The following NRXN1 variants were observed in gnomAD, a reference collection of about 807,000 sequenced individuals.
NRXN1 encodes the protein neurexin-1.
A neutral mutation model predicts 150.9 loss-of-function variants in NRXN1; 39 were observed. The observed-to-expected ratio is 0.26, with a 90% CI of 0.20 to 0.34. The LOEUF is 0.34. NRXN1 is among the 10% of genes least tolerant of loss of function. NRXN1 has a pLI of 1.00. For missense variants in NRXN1, 1,815 were observed against 1,949.9 expected, an observed-to-expected ratio of 0.93 and a Z score of 1.30; for synonymous variants, 924 against 757.0, an observed-to-expected ratio of 1.22 and a Z score of -3.62.
At chr2:50,920,977 G>A (rs559614130) in intron 5 of NRXN1, among the ~76,000 whole-genome samples, 169 of 151,714 alleles carry the variant, frequency 1.1e-3, no homozygotes, top group African/African-American at 4.0e-3. Flanking sequence ...GCAGAACTGT[G>A]AACTGTGGTC....
intron 5 of NRXN1, among the ~76,000 whole-genome samples, chr2:50,844,210 T>TCC (rs973230668): frequency 6.6e-6 from 1 of 152,082 alleles, no homozygotes; most frequent in Non-Finnish European, 1.5e-5. Flanking sequence ...CATAAGTCCT[T>TCC]CCCCCAGTTC....
chr2:50,678,710 T>C (rs1689906175), intron 5 of NRXN1, among the ~76,000 whole-genome samples: 1 of 152,132 alleles, frequency 6.6e-6, no homozygotes. Flanking sequence ...GTGCAGATAA[T>C]ATTCTCTCCT....
chr2:50,756,645 T>C (rs1701183813), intron 5 of NRXN1, among the ~76,000 whole-genome samples: 2 of 151,722 alleles, frequency 1.3e-5, no homozygotes, highest in South Asian at 2.1e-4. Flanking sequence ...TATCCAACAA[T>C]AGTAAAAGAG....
At chr2:50,791,428 A>G (rs977423482) in intron 5 of NRXN1, among the ~76,000 whole-genome samples, 1 of 151,936 alleles carries the variant, frequency 6.6e-6, no homozygotes, top group East Asian at 1.9e-4. Flanking sequence ...AGGTTTCTCA[A>G]CTCTCATAAC....
At chr2:51,025,763 GA>G (rs1488612840) in intron 2 of NRXN1, among the ~76,000 whole-genome samples, 1 of 152,066 alleles carries the variant, frequency 6.6e-6, no homozygotes, top group African/African-American at 2.4e-5. Context: ...TTTGCTAGAA[GA>G]AAAAAACTAT....
intron 5 of NRXN1, chr2:50,829,689 C>G: frequency 2.5e-6 from 4 of 1,607,408 alleles, no homozygotes; most frequent in Non-Finnish European, 3.4e-6. Flanking sequence ...CGGAGCGCCG[C>G]GCCAGGCCGC....
At chr2:50,437,073 C>T (rs1199518774) in intron 17 of NRXN1, among the ~76,000 whole-genome samples, 5 of 152,182 alleles carry the variant, frequency 3.3e-5, no homozygotes, top group Non-Finnish European at 7.4e-5. Flanking sequence ...CAAATCCATT[C>T]TGGGAAACCA....
intron 5 of NRXN1, among the ~76,000 whole-genome samples, chr2:50,664,024 T>G (rs1328721823): frequency 6.6e-6 from 1 of 151,964 alleles, no homozygotes; most frequent in African/African-American, 2.4e-5. Context: ...AAGCTCCTAC[T>G]ATGGTCAGGC....
intron 15 of NRXN1, among the ~76,000 whole-genome samples, chr2:50,495,593 G>A (rs1573247378): frequency 6.6e-6 from 1 of 152,066 alleles, no homozygotes; most frequent in Admixed American, 6.5e-5. Flanking sequence ...ATTGAAAACT[G>A]TTGGGACTTA....
At chr2:50,792,290 A>G (rs1706160672) in intron 5 of NRXN1, among the ~76,000 whole-genome samples, 1 of 152,132 alleles carries the variant, frequency 6.6e-6, no homozygotes, top group Admixed American at 6.6e-5. Flanking sequence ...TGGAAAGAAA[A>G]TACAGACTAT....
chr2:50,552,751 T>A lies in NRXN1; in HGVS notation c.1595A>T (p.His532Leu), dbSNP rs201683458. The A allele has an allele frequency of 6.2e-6, 10 of 1,613,872 alleles. No individual in the cohort carries two copies. The highest frequency in any genetic ancestry group is 8.5e-6 in the Non-Finnish European group (10 of 1,179,878). Residue 532 changes from histidine (H) to leucine (L), a missense_variant, in exon 9 of 23, where the codon CAC (histidine) becomes CTC (leucine). Around this residue, in one of 6 missense-constraint regions of NRXN1, gnomAD observed 638 missense variants for 652.6 expected, o/e 0.98. Transcript: ENST00000401669. The part of the protein sequence containing the change: ...GKPRHQKDAK[H>L]PQMIKVDFFA... ...GAAGTCCACCTTTATCATCTGTGGG[T>A]GCTTGGCATCTTTCTGATGTCTTGG...
intron 2 of NRXN1, among the ~76,000 whole-genome samples, chr2:50,946,017 C>G (rs1410205403): frequency 2.0e-5 from 3 of 151,418 alleles, no homozygotes; most frequent in Non-Finnish European, 4.4e-5. Flanking sequence ...CTCACTTACT[C>G]TGGAATGACC....
chr2:50,156,359 G>A (rs1217710220), intron 18 of NRXN1, among the ~76,000 whole-genome samples: 1 of 151,858 alleles, frequency 6.6e-6, no homozygotes, highest in East Asian at 1.9e-4. Flanking sequence ...CTCAGCACTA[G>A]CGTGCCTGTG....
intron 17 of NRXN1, among the ~76,000 whole-genome samples, chr2:50,316,390 T>C (rs2075608256): frequency 6.6e-6 from 1 of 152,044 alleles, no homozygotes; most frequent in Admixed American, 6.6e-5. Flanking sequence ...ATTTCAAACA[T>C]TTAATAGGGT....
chr2:50,820,160 A>T (rs1669514605), intron 5 of NRXN1, among the ~76,000 whole-genome samples: 1 of 152,270 alleles, frequency 6.6e-6, no homozygotes. Context: ...GAAGTGGTCC[A>T]GAAAATTGCT....
intron 8 of NRXN1, among the ~76,000 whole-genome samples, chr2:50,583,620 A>G (rs948691451): frequency 2.0e-5 from 3 of 152,190 alleles, no homozygotes; most frequent in Admixed American, 6.5e-5. Flanking sequence ...ATGTTTGAAG[A>G]CTGAGTAAAT....
At chr2:50,807,968 A>G (rs1035505229) in intron 5 of NRXN1, among the ~76,000 whole-genome samples, 2 of 152,168 alleles carry the variant, frequency 1.3e-5, no homozygotes, top group Admixed American at 1.3e-4. Context: ...AAATTTAAAT[A>G]TAATTCCCAA....
chr2:50,497,607 G>T lies in NRXN1; in HGVS notation c.2605C>A (p.Leu869Met), dbSNP rs201818223. ...SSVPSNFIGHLQSLTFNGMAY... is the reference protein window; with the variant it reads ...SSVPSNFIGHMQSLTFNGMAY... ...ATTCCATTAAATGTCAAGCTCTGCA[G>T]GTGTCCAATGAAGTTGGAGGGGACA... Residue 869 changes from leucine to methionine, a missense_variant, in exon 14 of 23, where the codon CTG becomes ATG. By Grantham distance (15) the Leu-to-Met change is conservative. Coordinates refer to ENST00000401669, the MANE Select transcript of NRXN1 (RefSeq NM_001330078.2). 4.2e-4 allele frequency: 685 copies of T among 1,613,814 alleles called. 4 individuals are homozygous for T. The highest frequency in any genetic ancestry group is 1.8e-4 in the Admixed American group (11 of 60,000).
intron 12 of NRXN1, among the ~76,000 whole-genome samples, chr2:50,511,175 C>T (rs922328360): frequency 6.6e-6 from 1 of 152,056 alleles, no homozygotes; most frequent in African/African-American, 2.4e-5. Flanking sequence ...ACTCTCCTGC[C>T]TCAGCCTCCC....
Sources: allele counts gnomAD v4.1 joint callset (sites outside exome capture counted in the v4.1 genomes callset), GRCh38; gene constraint gnomAD v4.1.1; regional missense constraint gnomAD v4.1.1; transcripts MANE v1.5; gene names NCBI Gene and HGNC (gene_info 2026-07-23, HGNC 2026-07-21).